The following ARHGAP32 variants were observed in gnomAD, a reference collection of about 807,000 sequenced individuals.
ARHGAP32 encodes the protein Rho GTPase activating protein 32.
A neutral mutation model predicts 186.5 loss-of-function variants in ARHGAP32; 51 were observed. The observed-to-expected ratio is 0.27, with a 90% confidence interval of 0.22 to 0.35. The LOEUF (loss-of-function observed/expected upper bound fraction) is 0.35. Ranked by LOEUF, ARHGAP32 falls within the 10% of genes least tolerant of loss-of-function variation. The pLI, the probability that ARHGAP32 is intolerant of heterozygous loss-of-function variation, is 1.00. For synonymous variants in ARHGAP32, 950 were observed against 964.3 expected (o/e 0.99, Z 0.27); for missense variants, 2,186 against 2,623.5 (o/e 0.83, Z 3.64).
At chr11:129,124,107 G>T (rs1174870534) in intron 3 of ARHGAP32, among the ~76,000 whole-genome samples, 178 bp from the exon 4 acceptor site, 1 of 152,076 alleles carries the variant, frequency 6.6e-6, no homozygotes, top group Non-Finnish European at 1.5e-5. Context: ...TTGGATTTCA[G>T]ATTTTTTCAG....
chr11:128,999,602 C>T (rs1156990623), intron 11 of ARHGAP32, among the ~76,000 whole-genome samples: 1 of 152,216 alleles, frequency 6.6e-6, no homozygotes, highest in Non-Finnish European at 1.5e-5. Flanking sequence ...ATCACGGAAC[C>T]TGCCGACATG....
intron 2 of ARHGAP32, among the ~76,000 whole-genome samples, chr11:129,147,562 ACT>A (rs1334817839): frequency 3.9e-5 from 6 of 152,176 alleles, no homozygotes; most frequent in Non-Finnish European, 7.4e-5. Flanking sequence ...CTATTTTACA[ACT>A]CTGCAGAGAT....
At chr11:129,146,391 T>C (rs2135440583) in intron 2 of ARHGAP32, among the ~76,000 whole-genome samples, 1 of 152,254 alleles carries the variant, frequency 6.6e-6, no homozygotes, top group East Asian at 1.9e-4. Context: ...TGCTCTGTCT[T>C]GGCCAGGACA....
At chr11:129,271,164 G>C (rs1341244700) in intron 1 of ARHGAP32, among the ~76,000 whole-genome samples, 2 of 152,190 alleles carry the variant, frequency 1.3e-5, no homozygotes, top group African/African-American at 4.8e-5. Context: ...ACATTATTTT[G>C]GCTCCCGTGT....
chr11:129,011,745 G>A (rs954928481), intron 11 of ARHGAP32, among the ~76,000 whole-genome samples: 7 of 152,092 alleles, frequency 4.6e-5, no homozygotes, highest in African/African-American at 7.2e-5. Flanking sequence ...TCTGCACAGA[G>A]GATTATTGGT....
chr11:129,222,843 C>G (rs565609451), intron 1 of ARHGAP32, among the ~76,000 whole-genome samples: 1 of 152,122 alleles, frequency 6.6e-6, no homozygotes, highest in African/African-American at 2.4e-5. Flanking sequence ...CAGATTCTGA[C>G]TGAGTATGGC....
intron 1 of ARHGAP32, among the ~76,000 whole-genome samples, chr11:129,229,250 T>A (rs1047300257): frequency 6.6e-6 from 1 of 152,184 alleles, no homozygotes; most frequent in African/African-American, 2.4e-5. Flanking sequence ...TAACCTCACA[T>A]ACTTATAAAG....
chr11:129,261,004 TC>T (rs1591382295), intron 1 of ARHGAP32, among the ~76,000 whole-genome samples: 1 of 151,970 alleles, frequency 6.6e-6, no homozygotes, highest in African/African-American at 2.4e-5. Context: ...GGCAAACACT[TC>T]TAGAAAGCTG....
rs2136062080 is a variant in ARHGAP32, at chr11:128,970,149, G to A, written c.5064C>T (p.Gly1688=). The A allele has an allele frequency of 2.5e-6, 4 of 1,614,080 alleles. No individual in the cohort carries two copies. The East Asian group carries it at 6.7e-5, about 27-fold the overall frequency. ...GGTGAAGGGGTCTCAACTGGACTGT[G>A]CCATAGGCATCCACATCACACAGGG... ...DGALCDVDAY[G]TVQLRPLHRL... The change falls in exon 23 of 23, where the codon GGC becomes GGT. Residue 1688 remains glycine (G), a synonymous_variant. Transcript: ENST00000682385. The surrounding 1 kb of genome is among the most constrained non-coding windows in gnomAD (Gnocchi z 5.8).
upstream of ARHGAP32, among the ~76,000 whole-genome samples, chr11:129,193,689 TTATATAATATATAA>T (rs1362495871): frequency 0.031 from 761 of 24,400 alleles, 28 homozygotes; most frequent in African/African-American, 0.11. Context: ...ATAATATATA[TTATATAATATATAA>T]TATATATTAT....
chr11:129,273,312 T>C (rs1327660589), intron 1 of ARHGAP32, among the ~76,000 whole-genome samples: 2 of 152,180 alleles, frequency 1.3e-5, no homozygotes, highest in African/African-American at 2.4e-5. Context: ...TACTTGTCAG[T>C]TCACAGATAC....
At chr11:129,120,223 A>T (rs551632980) in intron 5 of ARHGAP32, among the ~76,000 whole-genome samples, 1 of 152,220 alleles carries the variant, frequency 6.6e-6, no homozygotes, top group South Asian at 2.1e-4. Context: ...GAGGACTGAC[A>T]GAAAGAAAGA....
At chr11:129,208,667 CTT>C (rs60437783) in intron 1 of ARHGAP32, among the ~76,000 whole-genome samples, 6 of 142,798 alleles carry the variant, frequency 4.2e-5, no homozygotes, top group Non-Finnish European at 4.6e-5. Context: ...ATTTTCTTTT[CTT>C]TTTTTTTTTT....
intron 5 of ARHGAP32, among the ~76,000 whole-genome samples, chr11:129,100,509 T>A (rs1257894027): frequency 6.6e-6 from 1 of 152,094 alleles, no homozygotes; most frequent in Non-Finnish European, 1.5e-5. Context: ...CCATGGCAAC[T>A]CCACACATCA....
intron 12 of ARHGAP32, among the ~76,000 whole-genome samples, chr11:128,989,553 C>CACACACACAT (rs1555065837): frequency 6.6e-6 from 1 of 150,630 alleles, no homozygotes; most frequent in Non-Finnish European, 1.5e-5. Flanking sequence ...CACACACACA[C>CACACACACAT]ACATACATAT....
At chr11:129,272,305 C>G (rs1043332042) in intron 1 of ARHGAP32, among the ~76,000 whole-genome samples, 4 of 152,156 alleles carry the variant, frequency 2.6e-5, no homozygotes, top group African/African-American at 9.7e-5. Flanking sequence ...TCCACAAGAT[C>G]ATCTAAAAAT....
chr11:129,234,847 G>C (rs541823165), intron 1 of ARHGAP32, among the ~76,000 whole-genome samples: 13 of 152,178 alleles, frequency 8.5e-5, no homozygotes, highest in African/African-American at 3.1e-4. Flanking sequence ...AAAAAACACA[G>C]GTAGTTGTTC....
At chr11:129,140,433 A>G (rs963458121) in intron 2 of ARHGAP32, among the ~76,000 whole-genome samples, 1 of 152,212 alleles carries the variant, frequency 6.6e-6, no homozygotes, top group African/African-American at 2.4e-5. Context: ...TAAGCTTGTG[A>G]TAATTTCTTA....
At chr11:128,990,957 C>T (rs577874657) in intron 12 of ARHGAP32, among the ~76,000 whole-genome samples, 3 of 152,258 alleles carry the variant, frequency 2.0e-5, no homozygotes, top group Admixed American at 6.5e-5. Context: ...CACCCAGGTA[C>T]ACAAAAGGTT....
Sources: gnomAD v4.1 joint callset for allele counts (sites outside exome capture counted in the v4.1 genomes callset) on GRCh38, gnomAD v4.1.1 for gene constraint, Gnocchi (gnomAD v3.1) non-coding constraint, MANE v1.5 for transcripts, NCBI Gene and HGNC (gene_info 2026-07-23, HGNC 2026-07-21) for gene names.